Variants in SNTG1 observed in about 807,000 individuals in gnomAD.
The protein encoded by SNTG1 is gamma-1-syntrophin.
Under a neutral mutation model 74.7 loss-of-function variants are expected in SNTG1, and 39 were observed. The observed-to-expected ratio is 0.52, with a 90% CI of 0.40 to 0.68. The LOEUF is 0.68. Among genes scored for constraint, SNTG1 ranks in the 30% least tolerant of loss-of-function variants. The pLI, the probability that SNTG1 is intolerant of heterozygous loss-of-function variation, is 0.00. For synonymous variants in SNTG1, 254 were observed against 217.1 expected, an observed-to-expected ratio of 1.17 and a Z score of -1.49; for missense variants, 685 against 609.5, an observed-to-expected ratio of 1.12 and a Z score of -1.30.
chr8:50,535,659 A>C (rs1283875353), intron 10 of SNTG1, among the ~76,000 whole-genome samples: 1 of 152,228 alleles, frequency 6.6e-6, no homozygotes, highest in Non-Finnish European at 1.5e-5. Flanking sequence ...ATCTGCCACA[A>C]TTAACATAAA....
intron 2 of SNTG1, among the ~76,000 whole-genome samples, chr8:50,204,743 C>CCCT (rs2084136034): frequency 1.3e-5 from 2 of 151,984 alleles, no homozygotes; most frequent in Non-Finnish European, 2.9e-5. Flanking sequence ...TGACAGGCCC[C>CCCT]GGTGTGTGAT....
chr8:50,676,125 C>A (rs764126837), intron 15 of SNTG1, among the ~76,000 whole-genome samples: 6 of 151,896 alleles, frequency 4.0e-5, no homozygotes, highest in Non-Finnish European at 7.4e-5. Context: ...TATATCTTCT[C>A]ATAGAGTATC....
chr8:50,604,803 C>T (rs575641979), intron 13 of SNTG1, among the ~76,000 whole-genome samples: 71 of 152,240 alleles, frequency 4.7e-4, no homozygotes, highest in Non-Finnish European at 6.9e-4. Flanking sequence ...TCGCTTTTCT[C>T]AAGCAAAAGG....
At chr8:49,948,153 A>G (rs938067013) in intron 1 of SNTG1, among the ~76,000 whole-genome samples, 1 of 152,134 alleles carries the variant, frequency 6.6e-6, no homozygotes, top group Non-Finnish European at 1.5e-5. Flanking sequence ...GAAAAAAATA[A>G]GAAAAAACAC....
At chr8:50,040,139 C>T (rs949718051) in intron 1 of SNTG1, among the ~76,000 whole-genome samples, 8 of 152,128 alleles carry the variant, frequency 5.3e-5, no homozygotes, top group African/African-American at 1.9e-4. Flanking sequence ...ACTGACTAAG[C>T]ACCTGAAGCC....
intron 10 of SNTG1, among the ~76,000 whole-genome samples, chr8:50,531,751 G>C (rs2094270139): frequency 6.6e-6 from 1 of 152,096 alleles, no homozygotes; most frequent in African/African-American, 2.4e-5. Context: ...CCTCACACAA[G>C]AATCTCCATC....
At chr8:50,639,930 A>G (rs1336651223) in intron 13 of SNTG1, among the ~76,000 whole-genome samples, 1 of 152,106 alleles carries the variant, frequency 6.6e-6, no homozygotes, top group African/African-American at 2.4e-5. Flanking sequence ...AGGACCAGTT[A>G]TCATATATAT....
chr8:50,017,146 C>T (rs1178224268), intron 1 of SNTG1, among the ~76,000 whole-genome samples: 1 of 151,946 alleles, frequency 6.6e-6, no homozygotes, highest in Admixed American at 6.6e-5. Flanking sequence ...TAAAGAACAC[C>T]AGGAAATGTT....
At chr8:50,405,057 A>G (rs544799635) in intron 4 of SNTG1, among the ~76,000 whole-genome samples, 21 of 152,238 alleles carry the variant, frequency 1.4e-4, no homozygotes, top group African/African-American at 4.6e-4. Context: ...CTCACTCGGT[A>G]GTAAACATTG....
At chr8:50,713,481 T>C (rs2095467487) in intron 17 of SNTG1, among the ~76,000 whole-genome samples, 1 of 152,202 alleles carries the variant, frequency 6.6e-6, no homozygotes, top group Non-Finnish European at 1.5e-5. Context: ...TAGTTTCTTT[T>C]GCTGTGCAGA....
chr8:50,145,233 T>A (rs2081815721), intron 1 of SNTG1, among the ~76,000 whole-genome samples: 1 of 152,044 alleles, frequency 6.6e-6, no homozygotes, highest in South Asian at 2.1e-4. Context: ...CTTCATCGAG[T>A]GCTAGTGGAG....
intron 1 of SNTG1, among the ~76,000 whole-genome samples, chr8:49,967,497 A>G (rs890638256): frequency 6.6e-6 from 1 of 152,164 alleles, no homozygotes; most frequent in African/African-American, 2.4e-5. Flanking sequence ...TTTTCATCTG[A>G]TAAAATCTTC....
At chr8:50,045,885 C>T (rs1819042696) in intron 1 of SNTG1, among the ~76,000 whole-genome samples, 1 of 152,112 alleles carries the variant, frequency 6.6e-6, no homozygotes, top group African/African-American at 2.4e-5. Context: ...TTGTACTGGC[C>T]ACCAAAGCTC....
At chr8:50,496,200 T>C (rs768710977) in intron 8 of SNTG1, among the ~76,000 whole-genome samples, 14 of 152,122 alleles carry the variant, frequency 9.2e-5, no homozygotes, top group Non-Finnish European at 1.9e-4. Flanking sequence ...GAGTCCAATA[T>C]CTAAGTGACC....
At chr8:50,224,808 T>C (rs1396550736) in intron 2 of SNTG1, among the ~76,000 whole-genome samples, 2 of 152,110 alleles carry the variant, frequency 1.3e-5, no homozygotes, top group African/African-American at 4.8e-5. Context: ...AATGCCAACA[T>C]GACAGATAGC....
At chr8:50,074,061 C>T (rs566480054) in intron 1 of SNTG1, among the ~76,000 whole-genome samples, 217 of 151,844 alleles carry the variant, frequency 1.4e-3, no homozygotes, top group Non-Finnish European at 2.7e-3. Context: ...TTAGAGACTA[C>T]TCATCTCTAG....
At chr8:50,021,700 C>G (rs1563483816) in intron 1 of SNTG1, among the ~76,000 whole-genome samples, 1 of 151,936 alleles carries the variant, frequency 6.6e-6, no homozygotes, top group Non-Finnish European at 1.5e-5. Flanking sequence ...GTTGGGAGCC[C>G]AAAGTGGGAG....
intron 1 of SNTG1, among the ~76,000 whole-genome samples, chr8:50,000,269 C>G (rs1814620813): frequency 2.6e-5 from 4 of 151,988 alleles, no homozygotes; most frequent in Admixed American, 2.0e-4. Flanking sequence ...ATTTCCATCT[C>G]TTTCTGACTG....
intron 17 of SNTG1, among the ~76,000 whole-genome samples, chr8:50,710,744 G>A (rs2095459264): frequency 6.6e-6 from 1 of 152,136 alleles, no homozygotes; most frequent in African/African-American, 2.4e-5. Flanking sequence ...CTTCTGCTGG[G>A]TGTTCTGGGA....
Sources: gnomAD v4.1 joint callset for allele counts (sites outside exome capture counted in the v4.1 genomes callset) on GRCh38, gnomAD v4.1.1 for gene constraint, MANE v1.5 for transcripts, NCBI Gene and HGNC (gene_info 2026-07-23, HGNC 2026-07-21) for gene names.